PRKCI: variants seen among roughly 807,000 people sequenced by gnomAD.
PRKCI encodes the protein protein kinase C iota, also known as protein kinase C iota type.
Under a neutral mutation model 84.0 loss-of-function variants are expected in PRKCI, and 43 were observed. The observed-to-expected ratio is 0.51, with a 90% CI of 0.40 to 0.66. The LOEUF (loss-of-function observed/expected upper bound fraction) is 0.66, where lower values mean the gene tolerates loss of function less well. Ranked by LOEUF, PRKCI falls within the 30% of genes least tolerant of loss-of-function variation. The probability of loss-of-function intolerance (pLI) is 0.00; values close to 1 mark genes in which losing one functional copy is unlikely to be tolerated. For synonymous variants in PRKCI, 216 were observed against 234.4 expected (o/e 0.92, Z 0.72); for missense variants, 459 against 745.6 (o/e 0.62, Z 4.48).
At chr3:170,233,909 C>T (rs571002585) in intron 1 of PRKCI, among the ~76,000 whole-genome samples, 29 of 151,766 alleles carry the variant, frequency 1.9e-4, no homozygotes, top group African/African-American at 5.8e-4. Context: ...TTAGTAGAGA[C>T]GGAGTTTCAC....
chr3:170,277,086 CAAA>C (rs36053479), intron 8 of PRKCI, among the ~76,000 whole-genome samples: 1 of 128,344 alleles, frequency 7.8e-6, no homozygotes, highest in African/African-American at 2.9e-5. Flanking sequence ...ACTAAAAATA[CAAA>C]AAAAAAAAAA....
intron 2 of PRKCI, among the ~76,000 whole-genome samples, chr3:170,254,625 G>A (rs1457502802): frequency 6.6e-6 from 1 of 152,054 alleles, no homozygotes; most frequent in Non-Finnish European, 1.5e-5. Flanking sequence ...TAAAAAATGA[G>A]TTCACTCTAG....
At chr3:170,267,046 A>G (rs753273490) in intron 4 of PRKCI, among the ~76,000 whole-genome samples, 2 of 152,122 alleles carry the variant, frequency 1.3e-5, no homozygotes, top group Non-Finnish European at 2.9e-5. Flanking sequence ...TGAATTGTAT[A>G]CTGGTTGATA....
chr3:170,237,210 T>C (rs184351131), intron 2 of PRKCI, among the ~76,000 whole-genome samples: 2 of 152,302 alleles, frequency 1.3e-5, no homozygotes, highest in South Asian at 2.1e-4. Context: ...ATCTGAAGTA[T>C]GAAGTGGTGA....
intron 8 of PRKCI, among the ~76,000 whole-genome samples, chr3:170,278,118 GA>G (rs1306397365): frequency 6.6e-6 from 1 of 152,238 alleles, no homozygotes; most frequent in East Asian, 1.9e-4. Context: ...TAGGCCCTTT[GA>G]AGATGACATT....
chr3:170,238,371 A>T (rs1452180216), intron 2 of PRKCI, among the ~76,000 whole-genome samples: 1 of 152,056 alleles, frequency 6.6e-6, no homozygotes, highest in Non-Finnish European at 1.5e-5. Flanking sequence ...TCAAAAAAAA[A>T]AAAATTATAT....
intron 2 of PRKCI, among the ~76,000 whole-genome samples, chr3:170,257,582 C>T (rs537336778): frequency 6.6e-6 from 1 of 152,154 alleles, no homozygotes; most frequent in East Asian, 1.9e-4. Flanking sequence ...CACCTGTTTC[C>T]TCCAGTTTTA....
At chr3:170,267,044 A>G (rs1417708744) in intron 4 of PRKCI, among the ~76,000 whole-genome samples, 1 of 152,092 alleles carries the variant, frequency 6.6e-6, no homozygotes, top group East Asian at 1.9e-4. Context: ...TATGAATTGT[A>G]TACTGGTTGA....
At chr3:170,287,339 A>G (rs562546035) in intron 12 of PRKCI, among the ~76,000 whole-genome samples, 56 of 110,666 alleles carry the variant, frequency 5.1e-4, no homozygotes, top group African/African-American at 1.6e-3. Context: ...ATATATATAT[A>G]GAGAGAGAGA....
At chr3:170,284,438 A>C (rs751528042) in intron 11 of PRKCI, 23 bp from the exon 12 acceptor site, 2 of 1,516,088 alleles carry the variant, frequency 1.3e-6, no homozygotes, top group Non-Finnish European at 1.8e-6. Context: ...GAATCAAATG[A>C]CTTATTTTTT....
intron 12 of PRKCI, among the ~76,000 whole-genome samples, chr3:170,286,574 A>G (rs73879192): frequency 1.6e-3 from 223 of 142,096 alleles, no homozygotes; most frequent in African/African-American, 4.7e-3. Flanking sequence ...AAATGGGCAT[A>G]TGTCACTGGT....
At chr3:170,278,096 TTTC>T (rs769959039) in intron 8 of PRKCI, among the ~76,000 whole-genome samples, 8 of 152,236 alleles carry the variant, frequency 5.3e-5, no homozygotes, top group Admixed American at 2.0e-4. Flanking sequence ...GGTCAGCTGT[TTTC>T]TTCTTTTTTA....
chr3:170,222,632 A>AC lies in PRKCI; in HGVS notation c.-33dup, dbSNP rs1732517136. 4 of 1,505,614 alleles carry AC rather than the reference A, an allele frequency of 2.7e-6. No individual in the cohort carries two copies. The South Asian group carries it at 3.7e-5, about 14-fold the overall frequency. 93.3% of individuals were successfully genotyped at this position (1,505,614 alleles called of 1,614,324 possible). On this transcript the variant is annotated 5_prime_UTR_variant, in exon 1 of 18. Coordinates refer to ENST00000295797, the MANE Select transcript of PRKCI (RefSeq NM_002740.6). The stretch of plus-strand genomic sequence containing the variant: ...CACGGCGCCCGAAGCGCCCCCCCGC[A>AC]CCCCCGGCCTCCAGCGTTGAGGCGG...
At position 170,252,910 on chromosome 3, in the gene PRKCI, C is replaced by T. The variant is rs138920376; in HGVS notation, c.224-7059C>T. On this transcript the variant is annotated intron_variant, in intron 2 of 17. Coordinates refer to ENST00000295797, the MANE Select transcript of PRKCI (RefSeq NM_002740.6). ...AGCTTCTGGTAGCTATCATTCTACT[C>T]TCTATCTCCATGAGTTCAACTGTTT... Among the ~76,000 whole-genome samples the T allele has an allele frequency of 1.2e-4, 18 of 152,286 alleles. No homozygotes were observed. The East Asian group carries it at 3.5e-3, about 29-fold the overall frequency.
intron 7 of PRKCI, among the ~76,000 whole-genome samples, chr3:170,273,829 G>GA (rs1047229902): frequency 8.6e-5 from 11 of 128,490 alleles, no homozygotes; most frequent in Admixed American, 2.4e-4. Flanking sequence ...AAGAGAGAGA[G>GA]AAAAAAAAAA....
At chr3:170,236,003 C>T (rs932231714) in intron 2 of PRKCI, among the ~76,000 whole-genome samples, 2 of 151,156 alleles carry the variant, frequency 1.3e-5, no homozygotes, top group African/African-American at 4.9e-5. Context: ...CCAGGCTGGT[C>T]TCCAACTCCT....
In PRKCI at chr3:170,295,902, T is replaced by C; in HGVS notation, c.1418-9T>C. On this transcript the variant is annotated splice_polypyrimidine_tract_variant and intron_variant, in intron 14 of 17. Coordinates refer to ENST00000295797, the MANE Select transcript of PRKCI (RefSeq NM_002740.6). ...GTTAAATATAATACTATAATTTTTATCTTTCTAGTTATTTTGGAAAAACAA... is the reference window on the plus strand; with the variant it reads ...GTTAAATATAATACTATAATTTTTACCTTTCTAGTTATTTTGGAAAAACAA... 1 of 1,506,678 alleles carries C rather than the reference T, an allele frequency of 6.6e-7. No homozygotes were observed. Among genetic ancestry groups the C allele is most frequent in the Middle Eastern group, 2.1e-4 (1 of 4,684 alleles). The allele number at this position is 1,506,678 out of a possible 1,614,324, so 93.3% of individuals were successfully genotyped here. A position where few individuals can be genotyped will look rare whatever the true frequency, so the allele number is the denominator to read the frequency against.
intron 12 of PRKCI, among the ~76,000 whole-genome samples, chr3:170,291,197 T>A (rs1734542033): frequency 6.6e-6 from 1 of 152,114 alleles, no homozygotes; most frequent in South Asian, 2.1e-4. Context: ...GTCTTATCAA[T>A]GGTTGTATTA....
At chr3:170,231,658 A>T (rs552513499) in intron 1 of PRKCI, among the ~76,000 whole-genome samples, 34 of 151,370 alleles carry the variant, frequency 2.2e-4, no homozygotes, top group African/African-American at 8.2e-4. Flanking sequence ...AGAGATGGGG[A>T]TTCGCCATGT....
Sources: allele counts gnomAD v4.1 joint callset (sites outside exome capture counted in the v4.1 genomes callset), GRCh38; gene constraint gnomAD v4.1.1; transcripts MANE v1.5; gene names NCBI Gene and HGNC (gene_info 2026-07-23, HGNC 2026-07-21).